The following MACROD2 variants were observed in gnomAD, a reference collection of about 807,000 sequenced individuals.
The protein encoded by MACROD2 is mono-ADP ribosylhydrolase 2.
A neutral mutation model predicts 70.4 loss-of-function variants in MACROD2; 36 were observed. That is an observed-to-expected ratio of 0.51 (90% CI 0.39 to 0.68). The LOEUF is 0.68. Among genes scored for constraint, MACROD2 ranks in the 30% least tolerant of loss-of-function variants. MACROD2 has a pLI of 0.00. For synonymous variants in MACROD2, 172 were observed against 178.8 expected, an observed-to-expected ratio of 0.96 and a Z score of 0.30; for missense variants, 496 against 538.4, an observed-to-expected ratio of 0.92 and a Z score of 0.78.
intron 7 of MACROD2, among the ~76,000 whole-genome samples, chr20:15,484,080 T>TTATTTTA (rs1445173864): frequency 6.6e-6 from 1 of 151,662 alleles, no homozygotes; most frequent in Non-Finnish European, 1.5e-5. Context: ...TTATTTTATT[T>TTATTTTA]TATTTTTCTT....
intron 10 of MACROD2, among the ~76,000 whole-genome samples, chr20:15,915,398 A>G (rs2065299588): frequency 6.6e-6 from 1 of 152,222 alleles, no homozygotes; most frequent in Admixed American, 6.5e-5. Flanking sequence ...CAAGAGTTTT[A>G]GAAGCTCTGT....
At chr20:14,739,178 T>C (rs2071703693) in intron 5 of MACROD2, among the ~76,000 whole-genome samples, 1 of 152,042 alleles carries the variant, frequency 6.6e-6, no homozygotes, top group Non-Finnish European at 1.5e-5. Flanking sequence ...ATAATCTTAC[T>C]CTTGCTCTCA....
At chr20:14,966,462 G>A (rs554152846) in intron 5 of MACROD2, among the ~76,000 whole-genome samples, 1 of 152,298 alleles carries the variant, frequency 6.6e-6, no homozygotes, top group East Asian at 1.9e-4. Flanking sequence ...TGTAGACCCA[G>A]CTACTCAGGA....
At chr20:15,765,066 T>C (rs1166952578) in intron 8 of MACROD2, among the ~76,000 whole-genome samples, 1 of 152,084 alleles carries the variant, frequency 6.6e-6, no homozygotes, top group Non-Finnish European at 1.5e-5. Flanking sequence ...TCTAGTGACA[T>C]TTCTTCTCAA....
chr20:14,239,682 C>G (rs2081911838), intron 3 of MACROD2, among the ~76,000 whole-genome samples: 1 of 152,152 alleles, frequency 6.6e-6, no homozygotes, highest in Admixed American at 6.5e-5. Context: ...CAAAAATCAA[C>G]TCAAGATGGA....
chr20:15,924,276 A>G (rs1023648593), intron 10 of MACROD2, among the ~76,000 whole-genome samples: 3 of 152,200 alleles, frequency 2.0e-5, no homozygotes, highest in African/African-American at 7.2e-5. Context: ...ATATATGTGT[A>G]TTGAATTATA....
intron 3 of MACROD2, 44 bp from the exon 4 acceptor site, chr20:14,493,435 A>G (rs2084816591): frequency 6.5e-7 from 1 of 1,528,486 alleles, no homozygotes; most frequent in Middle Eastern, 2.1e-4. Flanking sequence ...TATATTTCTT[A>G]TACATATTAT....
At position 15,718,064 on chromosome 20, in the gene MACROD2, A is replaced by C. The variant is rs185255964; in HGVS notation, c.646-144681A>C. 8.1e-4 allele frequency among the ~76,000 whole-genome samples: 116 copies of C among 143,968 alleles called. 1 individual carries two copies. Among genetic ancestry groups the C allele is most frequent in the African/African-American group, 2.9e-3 (109 of 37,922 alleles). 94.4% of individuals were successfully genotyped at this position (143,968 alleles called of 152,430 possible). ...GAGACGGAGTTTCACTCTGTCGCCCAGGCTGGAGTGCAGTGGTACGAATTT... is the reference window on the plus strand; with the variant it reads ...GAGACGGAGTTTCACTCTGTCGCCCCGGCTGGAGTGCAGTGGTACGAATTT... On this transcript the variant is annotated intron_variant, in intron 8 of 17. Coordinates refer to ENST00000684519, the MANE Select transcript of MACROD2 (RefSeq NM_001351661.2).
intron 4 of MACROD2, among the ~76,000 whole-genome samples, chr20:14,520,563 A>G (rs1235336717): frequency 6.6e-6 from 1 of 151,072 alleles, no homozygotes; most frequent in Non-Finnish European, 1.5e-5. Context: ...CAGAATTGGC[A>G]TGTTACAATC....
At chr20:15,826,640 ATTCTT>A (rs569608186) in intron 8 of MACROD2, among the ~76,000 whole-genome samples, 206 of 152,338 alleles carry the variant, frequency 1.4e-3, no homozygotes, top group African/African-American at 4.8e-3. Context: ...CTGAACACAA[ATTCTT>A]TTATCAAACT....
At chr20:15,678,561 A>ACCG in intron 8 of MACROD2, among the ~76,000 whole-genome samples, 1 of 152,198 alleles carries the variant, frequency 6.6e-6, no homozygotes, top group South Asian at 2.1e-4. Context: ...AGGTTTCGTT[A>ACCG]TGTTAGCCAG....
At chr20:14,258,260 G>A (rs1358023687) in intron 3 of MACROD2, among the ~76,000 whole-genome samples, 1 of 152,152 alleles carries the variant, frequency 6.6e-6, no homozygotes, top group Non-Finnish European at 1.5e-5. Flanking sequence ...CCAGTAGTGG[G>A]ATTGCTGGGT....
chr20:15,145,517 A>T (rs2076223992), intron 5 of MACROD2, among the ~76,000 whole-genome samples: 1 of 152,128 alleles, frequency 6.6e-6, no homozygotes, highest in African/African-American at 2.4e-5. Context: ...GAAACATTTT[A>T]TTCCAAAGAC....
chr20:15,437,890 C>T (rs2046446941), intron 7 of MACROD2, among the ~76,000 whole-genome samples: 1 of 152,008 alleles, frequency 6.6e-6, no homozygotes, highest in African/African-American at 2.4e-5. Flanking sequence ...TTTCCTTTAT[C>T]CACTCTGTCA....
At chr20:15,323,750 T>C (rs2077897144) in intron 6 of MACROD2, among the ~76,000 whole-genome samples, 1 of 152,134 alleles carries the variant, frequency 6.6e-6, no homozygotes, top group African/African-American at 2.4e-5. Context: ...ACTGGAAACT[T>C]TTATGACTCT....
intron 5 of MACROD2, among the ~76,000 whole-genome samples, chr20:14,963,793 G>A (rs2074605801): frequency 6.6e-6 from 1 of 152,052 alleles, no homozygotes; most frequent in African/African-American, 2.4e-5. Context: ...TTGTTTCTTG[G>A]GAGGAGAAGG....
At chr20:14,448,743 A>T (rs911829175) in intron 3 of MACROD2, among the ~76,000 whole-genome samples, 1 of 151,818 alleles carries the variant, frequency 6.6e-6, no homozygotes, top group African/African-American at 2.4e-5. Flanking sequence ...ATTTTATCAC[A>T]TGATTTACAT....
At chr20:14,275,034 G>T (rs2082237658) in intron 3 of MACROD2, among the ~76,000 whole-genome samples, 1 of 152,186 alleles carries the variant, frequency 6.6e-6, no homozygotes, top group Non-Finnish European at 1.5e-5. Context: ...CATGCTCATG[G>T]ATAGGAAGAA....
chr20:15,196,081 T>C (rs912629026), intron 5 of MACROD2, among the ~76,000 whole-genome samples: 5 of 150,744 alleles, frequency 3.3e-5, no homozygotes, highest in African/African-American at 1.2e-4. Context: ...CCCTTAAGAG[T>C]GGAGCAGGGA....
Sources: allele counts gnomAD v4.1 joint callset (sites outside exome capture counted in the v4.1 genomes callset), GRCh38; gene constraint gnomAD v4.1.1; transcripts MANE v1.5; gene names NCBI Gene and HGNC (gene_info 2026-07-23, HGNC 2026-07-21).